Variants in PHF3 observed in about 807,000 individuals in gnomAD.
PHF3 encodes PHD finger protein 3.
A neutral mutation model predicts 178.4 loss-of-function variants in PHF3; 41 were observed. That is an observed-to-expected ratio of 0.23 (90% confidence interval 0.18 to 0.30). PHF3 has a LOEUF of 0.30. Among genes scored for constraint, PHF3 ranks in the 10% least tolerant of loss-of-function variants. The probability of loss-of-function intolerance (pLI) is 1.00; values close to 1 mark genes in which losing one functional copy is unlikely to be tolerated. For synonymous variants in PHF3, 842 were observed against 800.5 expected (o/e 1.05, Z -0.88); for missense variants, 2,346 against 2,398.1 (o/e 0.98, Z 0.45).
chr6:63,670,944 T>A (rs903548707), intron 2 of PHF3, among the ~76,000 whole-genome samples: 1 of 152,190 alleles, frequency 6.6e-6, no homozygotes, highest in African/African-American at 2.4e-5. Flanking sequence ...TGTGATTCTC[T>A]AAGAACTCTT....
intron 1 of PHF3, among the ~76,000 whole-genome samples, chr6:63,639,733 G>T (rs1037891247): frequency 6.6e-6 from 1 of 152,032 alleles, no homozygotes; most frequent in African/African-American, 2.4e-5. Flanking sequence ...TTATAGGGTC[G>T]CTGTGAGGAA....
In PHF3 at chr6:63,716,181, A is replaced by T. The variant is rs1265578734; in HGVS notation, c.*2473A>T. Among the ~76,000 whole-genome samples the T allele has an allele frequency of 6.6e-6, 1 of 152,108 alleles. No individual in the cohort carries two copies. The highest frequency in any genetic ancestry group is 2.4e-5 in the African/African-American group (1 of 41,438). ...AAGGTGAAGGCTTAGAGCTGAGGAA[A>T]CTGGAACTTAGAGAAGTTGGGAAAC... On this transcript the variant is annotated 3_prime_UTR_variant, in exon 16 of 16. Coordinates refer to ENST00000262043, the MANE Select transcript of PHF3 (RefSeq NM_001370348.2).
At position 63,678,139 on chromosome 6, in the gene PHF3, C is replaced by T. The variant is rs918409711; in HGVS notation, c.245-1861C>T. ...TTGGGAGGCTGAGGCAGGAGAATCA[C>T]TTGAACCTGGGAGGTGGAGGTTGCA... On this transcript the variant is annotated intron_variant, in intron 2 of 15. Coordinates refer to ENST00000262043, the MANE Select transcript of PHF3 (RefSeq NM_001370348.2). Among the ~76,000 whole-genome samples, 7 of 151,674 alleles carry T rather than the reference C, an allele frequency of 4.6e-5. No homozygotes were observed. The East Asian group carries it at 1.2e-3, about 25-fold the overall frequency.
chr6:63,684,974 A>G lies in PHF3; in HGVS notation c.1252A>G (p.Lys418Glu). The G allele has an allele frequency of 6.2e-7, 1 of 1,613,934 alleles. No individual in the cohort carries two copies. The highest frequency in any genetic ancestry group is 8.5e-7 in the Non-Finnish European group (1 of 1,179,806). The change falls in exon 4 of 16, where the codon AAA (lysine) becomes GAA (glutamate). Residue 418 changes from lysine to glutamate, a missense_variant. This residue lies in a region of PHF3 where 843 missense variants were observed against 795.2 expected (regional missense o/e 1.06). Transcript: ENST00000262043. Reference protein sequence around the residue: ...NRQLESTEFNKSNLEVVDTST... With the variant: ...NRQLESTEFNESNLEVVDTST... ...GCAGTTGGAGAGCACTGAGTTTAAT[A>G]AATCAAACTTAGAGGTGGTTGATAC...
intron 3 of PHF3, among the ~76,000 whole-genome samples, 168 bp from the exon 4 acceptor site, chr6:63,683,961 T>C (rs1250482029): frequency 6.6e-6 from 1 of 152,138 alleles, no homozygotes; most frequent in Admixed American, 6.6e-5. Context: ...TGTTAAATTA[T>C]ATATATGTGT....
In PHF3 at chr6:63,643,333, C is replaced by G. The variant is rs1175651510; in HGVS notation, c.-25-3194C>G. ...TGAATTATACCTCCAGTAAATGTTA[C>G]TTTCAAGGGAGTTCTTTTGGATGGC... On this transcript the variant is annotated intron_variant, in intron 1 of 15. Transcript: ENST00000262043. Among the ~76,000 whole-genome samples, 4 of 152,306 alleles carry G rather than the reference C, an allele frequency of 2.6e-5. No homozygotes were observed. In the East Asian group the frequency reaches 7.7e-4, roughly 29 times the overall value.
rs1464826989 is a variant in PHF3 at position 63,714,698 on chromosome 6, A to G, written c.*990A>G. ...GTGAAACACTGTGCAGCTATAGCCC[A>G]CTTTATAGGTAAGTTTCTGAAAACT... On this transcript the variant is annotated 3_prime_UTR_variant, in exon 16 of 16. Coordinates refer to ENST00000262043, the MANE Select transcript of PHF3 (RefSeq NM_001370348.2). 6.6e-6 allele frequency: 1 copy of G among 152,140 alleles called. No individual in the cohort carries two copies. The highest frequency in any genetic ancestry group is 1.5e-5 in the Non-Finnish European group (1 of 67,978). The allele number at this position is 152,140 out of a possible 1,614,324, so 9.4% of individuals were successfully genotyped here.
chr6:63,717,261 T>C lies in PHF3; in HGVS notation c.*3553T>C, dbSNP rs1488192444. 1.3e-5 allele frequency among the ~76,000 whole-genome samples: 2 copies of C among 152,032 alleles called. No homozygotes were observed. Among genetic ancestry groups the C allele is most frequent in the East Asian group, 3.9e-4 (2 of 5,186 alleles). On this transcript the variant is annotated 3_prime_UTR_variant, in exon 16 of 16. Transcript: ENST00000262043. ...ATAGTAGCTGTGTTTTTAAAGTTTA[T>C]GAACCAAACTTAAATGCATTATGAG...
rs570068490 is a variant in PHF3, at chr6:63,716,978, G to T, written c.*3270G>T. ...ATTTACAGGTGTTCCAAGGATTGGGGTGTAGACATCTTTTGGGGGATTATC... is the reference window on the plus strand; with the variant it reads ...ATTTACAGGTGTTCCAAGGATTGGGTTGTAGACATCTTTTGGGGGATTATC... On this transcript the variant is annotated 3_prime_UTR_variant, in exon 16 of 16. Transcript: ENST00000262043. 5.3e-5 allele frequency among the ~76,000 whole-genome samples: 8 copies of T among 152,054 alleles called. No individual in the cohort carries two copies. Among genetic ancestry groups the T allele is most frequent in the Non-Finnish European group, 8.8e-5 (6 of 67,980 alleles).
intron 6 of PHF3, among the ~76,000 whole-genome samples, chr6:63,695,738 G>A (rs536160277): frequency 6.6e-6 from 1 of 152,200 alleles, no homozygotes; most frequent in South Asian, 2.1e-4. Flanking sequence ...TAGAATGAAG[G>A]TAGTGAGTAG....
intron 2 of PHF3, among the ~76,000 whole-genome samples, chr6:63,650,965 C>T (rs558323633): frequency 1.1e-3 from 167 of 152,130 alleles, no homozygotes; most frequent in African/African-American, 3.9e-3. Flanking sequence ...TCTCTGAATC[C>T]AACTACACAT....
Position 63,721,180 on chromosome 6 carries a change from TG to T in PHF3, c.*7473del. On this transcript the variant is annotated 3_prime_UTR_variant, in exon 16 of 16. Coordinates refer to ENST00000262043, the MANE Select transcript of PHF3 (RefSeq NM_001370348.2). ...AATTTTGCAGTTGAAAATGAAGTTT[TG>T]TTTTCACAATACCTTCCCACCCAAC... The T allele has an allele frequency of 1.3e-6, 2 of 1,551,668 alleles. No individual in the cohort carries two copies. Among genetic ancestry groups the T allele is most frequent in the Non-Finnish European group, 1.7e-6 (2 of 1,146,912 alleles).
Position 63,711,986 on chromosome 6 carries a change from G to T in PHF3, c.4398G>T (p.Val1466=), listed in dbSNP as rs768062893. Residue 1466 remains valine (V), a synonymous_variant, in exon 16 of 16, where the codon GTG becomes GTT. Coordinates refer to ENST00000262043, the MANE Select transcript of PHF3 (RefSeq NM_001370348.2). ...AATTAGCAAATAAACCTCTTCCTGTGGATGATATACTTCAAAGCCTTTTGG... is the reference window on the plus strand; with the variant it reads ...AATTAGCAAATAAACCTCTTCCTGTTGATGATATACTTCAAAGCCTTTTGG... ...TLELANKPLP[V]DDILQSLLGT... The T allele has an allele frequency of 6.8e-5, 109 of 1,613,536 alleles. No homozygotes were observed. The South Asian group carries it at 9.0e-4, about 13-fold the overall frequency.
At chr6:63,654,278 A>G (rs931137363) in intron 2 of PHF3, among the ~76,000 whole-genome samples, 3 of 152,186 alleles carry the variant, frequency 2.0e-5, no homozygotes, top group African/African-American at 7.2e-5. Flanking sequence ...TATTACAGAG[A>G]CAATCATGGT....
chr6:63,680,874 CAGGG>C (rs1427336653), intron 3 of PHF3, among the ~76,000 whole-genome samples: 3 of 152,030 alleles, frequency 2.0e-5, no homozygotes, highest in Non-Finnish European at 4.4e-5. Flanking sequence ...CAAAGCTGTT[CAGGG>C]ATCTCCCTTT....
intron 4 of PHF3, 144 bp from the exon 5 acceptor site, chr6:63,691,593 T>C: frequency 1.5e-6 from 1 of 671,132 alleles, no homozygotes; most frequent in Non-Finnish European, 2.6e-6. Flanking sequence ...ACTTGCTGTA[T>C]GTTGAACTTA....
chr6:63,661,839 A>T (rs1765477342), intron 2 of PHF3, among the ~76,000 whole-genome samples: 1 of 152,186 alleles, frequency 6.6e-6, no homozygotes, highest in African/African-American at 2.4e-5. Flanking sequence ...GCATAAATTT[A>T]GGCTCTGATA....
intron 2 of PHF3, among the ~76,000 whole-genome samples, chr6:63,676,917 A>G (rs536243343): frequency 1.3e-5 from 2 of 152,264 alleles, no homozygotes; most frequent in East Asian, 3.9e-4. Context: ...TGTGTGATAC[A>G]TTTTGAAGAT....
chr6:63,700,459 A>G lies in PHF3; in HGVS notation c.3092A>G (p.Asn1031Ser). 1 of 1,515,862 alleles carries G rather than the reference A, an allele frequency of 6.6e-7. No homozygotes were observed. The highest frequency in any genetic ancestry group is 9.1e-7 in the Non-Finnish European group (1 of 1,094,698). 93.9% of individuals were successfully genotyped at this position (1,515,862 alleles called of 1,614,324 possible). A position where few individuals can be genotyped will look rare whatever the true frequency, so the allele number is the denominator to read the frequency against. ...TTAGCTGCTTGGAGACGAAGAGAAA[A>G]CAGACATGTAAGATTATCTATAAAT... ...KELAAWRRRE[N>S]RHTIEMIEKE... The change falls in exon 9 of 16, where the codon AAC becomes AGC. Residue 1031 changes from asparagine to serine, a missense_variant. Physicochemically the swap from Asn to Ser is conservative, Grantham distance 46. Coordinates refer to ENST00000262043, the MANE Select transcript of PHF3 (RefSeq NM_001370348.2).
Sources: gnomAD v4.1 joint callset for allele counts (sites outside exome capture counted in the v4.1 genomes callset) on GRCh38, gnomAD v4.1.1 for gene constraint, gnomAD v4.1.1 regional missense constraint, MANE v1.5 for transcripts, NCBI Gene and HGNC (gene_info 2026-07-23, HGNC 2026-07-21) for gene names.